Variants in EPG5 observed in about 807,000 individuals in gnomAD.
The protein encoded by EPG5 is ectopic P granules protein 5 homolog.
A neutral mutation model predicts 302.7 loss-of-function variants in EPG5; 159 were observed. The ratio of observed to expected loss-of-function variants is 0.53; its 90% CI spans 0.46 to 0.60. The LOEUF (loss-of-function observed/expected upper bound fraction) is 0.60, where lower values mean the gene tolerates loss of function less well. EPG5 is among the 20% of genes least tolerant of loss of function. The pLI is 0.00. For synonymous variants in EPG5, 1,158 were observed against 1,136.8 expected, an observed-to-expected ratio of 1.02 and a Z score of -0.37; for missense variants, 2,896 against 3,092.4, an observed-to-expected ratio of 0.94 and a Z score of 1.51.
At chr18:45,883,672 T>A (rs936443845) in intron 30 of EPG5, among the ~76,000 whole-genome samples, 1 of 132,264 alleles carries the variant, frequency 7.6e-6, no homozygotes, top group African/African-American at 2.9e-5. Flanking sequence ...TTGGCCAGAC[T>A]GGTCTCAAAT....
chr18:45,848,163 T>C lies in EPG5; in HGVS notation c.*4304A>G, dbSNP rs1278267312. On this transcript the variant is annotated 3_prime_UTR_variant, in exon 44 of 44. Transcript: ENST00000282041. The stretch of plus-strand genomic sequence containing the variant: ...TTACCCAGCACAACCCAGACACAAA[T>C]GGAAGATGGTAGAAGGGGATACTTT... 6.6e-6 allele frequency: 1 copy of C among 152,112 alleles called. No individual in the cohort carries two copies. The highest frequency in any genetic ancestry group is 1.9e-4 in the East Asian group (1 of 5,194). The allele number at this position is 152,112 out of a possible 1,614,324, so 9.4% of individuals were successfully genotyped here. A position where few individuals can be genotyped will look rare whatever the true frequency, so the allele number is the denominator to read the frequency against.
At chr18:45,915,319 T>C (rs966469653) in intron 20 of EPG5, among the ~76,000 whole-genome samples, 192 bp downstream of exon 20, 2 of 152,044 alleles carry the variant, frequency 1.3e-5, no homozygotes, top group African/African-American at 4.8e-5. Context: ...AGTTAACTCC[T>C]CTGTAAAACA....
chr18:45,959,731 G>A (rs963923009), intron 1 of EPG5, among the ~76,000 whole-genome samples: 1 of 152,128 alleles, frequency 6.6e-6, no homozygotes, highest in African/African-American at 2.4e-5. Flanking sequence ...TGTAATACCA[G>A]CACTTTGCGA....
chr18:45,896,942 T>C (rs1335583979), intron 27 of EPG5, among the ~76,000 whole-genome samples: 1 of 152,238 alleles, frequency 6.6e-6, no homozygotes, highest in African/African-American at 2.4e-5. Context: ...TAAATCATCT[T>C]TTCTCTGACC....
chr18:45,808,899 A>G, the EPG5 span, among the ~76,000 whole-genome samples: 20 of 152,354 alleles, frequency 1.3e-4, no homozygotes, highest in East Asian at 3.9e-4. Flanking sequence ...CAATACTAAC[A>G]TTGAGTGTAA....
At chr18:45,842,420 C>G in the EPG5 span, 1 of 546,778 alleles carries the variant, frequency 1.8e-6, no homozygotes, top group East Asian at 3.1e-5. Flanking sequence ...AATGTGCATA[C>G]GTCTGTGTGT....
chr18:45,858,100 G>T (rs746541477), intron 41 of EPG5, 32 bp from the exon 42 acceptor site: 7 of 1,565,706 alleles, frequency 4.5e-6, no homozygotes, highest in Non-Finnish European at 5.3e-6. Context: ...AATAAAATTA[G>T]AAGTAAATTT....
chr18:45,930,545 T>C, intron 12 of EPG5, 131 bp downstream of exon 12: 1 of 624,034 alleles, frequency 1.6e-6, no homozygotes, highest in South Asian at 2.8e-5. Flanking sequence ...ACTGATTCTC[T>C]ATCCCTTCTC....
intron 1 of EPG5, among the ~76,000 whole-genome samples, chr18:45,964,057 T>A (rs1005242623): frequency 6.6e-6 from 1 of 152,216 alleles, no homozygotes. Context: ...TAAAGGCCTC[T>A]TCATAAACTT....
At chr18:45,922,986 A>T (rs2050191351) in intron 15 of EPG5, among the ~76,000 whole-genome samples, 1 of 152,220 alleles carries the variant, frequency 6.6e-6, no homozygotes, top group South Asian at 2.1e-4. Flanking sequence ...CCTGGCTTGC[A>T]AAGTTTCTAA....
the EPG5 span, among the ~76,000 whole-genome samples, chr18:45,819,334 A>T: frequency 1.1e-4 from 16 of 152,178 alleles, no homozygotes; most frequent in Non-Finnish European, 2.1e-4. Flanking sequence ...GAAATATCTT[A>T]TGCTATGTTT....
chr18:45,845,233 C>T (rs180875696), downstream of EPG5, among the ~76,000 whole-genome samples: 117 of 152,304 alleles, frequency 7.7e-4, no homozygotes, highest in African/African-American at 2.7e-3. Context: ...TTGAAGAGGG[C>T]TTCTTGGGAC....
At chr18:45,832,043 C>A in the EPG5 span, among the ~76,000 whole-genome samples, 2 of 152,198 alleles carry the variant, frequency 1.3e-5, no homozygotes, top group East Asian at 1.9e-4. Context: ...AACATCTTAA[C>A]CCCCTGTGGC....
rs1036226828 is a variant in EPG5 at position 45,857,873 on chromosome 18, C to T, written c.7422G>A (p.Arg2474=). ...CTTACCTGTTAGACAAAGGCGACTT[C>T]CGGCCAAACCCAATTGCCCCCAGGA... ...SGILGAIGFG[R]KSPLSNRFRV... is the part of the protein sequence containing the mutation. Residue 2474 remains arginine (R), a synonymous_variant, in exon 42 of 44, where the codon CGG becomes CGA. Transcript: ENST00000282041. 2.5e-6 allele frequency: 4 copies of T among 1,612,050 alleles called. No individual in the cohort carries two copies. In the African/African-American group the frequency reaches 4.0e-5, roughly 16 times the overall value.
chr18:45,943,036 T>G, intron 9 of EPG5, 125 bp downstream of exon 9: 1 of 918,866 alleles, frequency 1.1e-6, no homozygotes, highest in Non-Finnish European at 1.6e-6. Context: ...AAGAAAAAAA[T>G]CTTAACTATT....
chr18:45,947,045 C>T (rs963899429), intron 6 of EPG5, among the ~76,000 whole-genome samples: 4 of 152,184 alleles, frequency 2.6e-5, no homozygotes, highest in Admixed American at 6.5e-5. Flanking sequence ...ACATATGCTG[C>T]GGACCTTAAC....
chr18:45,923,237 C>T (rs747220179), intron 15 of EPG5, 31 bp downstream of exon 15: 5 of 1,607,912 alleles, frequency 3.1e-6, no homozygotes, highest in Admixed American at 1.7e-5. Flanking sequence ...GATAAAGATT[C>T]ATGTTTCCAA....
At chr18:45,866,429 GT>G (rs1225861859) in intron 38 of EPG5, among the ~76,000 whole-genome samples, 1 of 152,044 alleles carries the variant, frequency 6.6e-6, no homozygotes, top group Admixed American at 6.6e-5. Context: ...CCTTTGCAAG[GT>G]ACTATTTCTA....
chr18:45,917,887 A>T (rs931937465), intron 16 of EPG5, 68 bp from the exon 17 acceptor site: 4 of 1,567,500 alleles, frequency 2.6e-6, no homozygotes, highest in Admixed American at 1.8e-5. Flanking sequence ...TCTTCCAATG[A>T]GTTATGAGCC....
Sources: gnomAD v4.1 joint callset for allele counts (sites outside exome capture counted in the v4.1 genomes callset) on GRCh38, gnomAD v4.1.1 for gene constraint, MANE v1.5 for transcripts, NCBI Gene and HGNC (gene_info 2026-07-23, HGNC 2026-07-21) for gene names.